The following SIPA1L1 variants were observed in gnomAD, a reference collection of about 807,000 sequenced individuals.
The protein encoded by SIPA1L1 is signal-induced proliferation-associated 1-like protein 1.
Under a neutral mutation model 162.7 loss-of-function variants are expected in SIPA1L1, and 26 were observed. That is an observed-to-expected ratio of 0.16 (90% CI 0.12 to 0.22). The LOEUF (loss-of-function observed/expected upper bound fraction) is 0.22. SIPA1L1 is among the 10% of genes least tolerant of loss of function. The pLI, the probability that SIPA1L1 is intolerant of heterozygous loss-of-function variation, is 1.00. For missense variants in SIPA1L1, 1,874 were observed against 2,241.0 expected (o/e 0.84, Z 3.31); for synonymous variants, 829 against 837.4 (o/e 0.99, Z 0.17).
intron 7 of SIPA1L1, among the ~76,000 whole-genome samples, chr14:71,635,010 G>A (rs186294199): frequency 6.6e-6 from 1 of 152,114 alleles, no homozygotes; most frequent in East Asian, 1.9e-4. Context: ...GGGCACGGTG[G>A]CTCACACCTG....
At chr14:71,670,854 T>C (rs1387270014) in intron 10 of SIPA1L1, among the ~76,000 whole-genome samples, 2 of 151,370 alleles carry the variant, frequency 1.3e-5, no homozygotes, top group Non-Finnish European at 2.9e-5. Flanking sequence ...TCCTGTCTGG[T>C]AAAAAAAAAG....
chr14:71,565,322 T>G (rs2030214248), intron 4 of SIPA1L1, among the ~76,000 whole-genome samples: 1 of 152,216 alleles, frequency 6.6e-6, no homozygotes, highest in South Asian at 2.1e-4. Context: ...TCTGGAGACC[T>G]TGTCTTACAG....
rs974372424 is a variant in SIPA1L1, at chr14:71,632,968, C to T, written c.1818+8732C>T. On this transcript the variant is annotated intron_variant, in intron 7 of 23. Transcript: ENST00000381232. The stretch of plus-strand genomic sequence containing the variant: ...ATTGAATTTAAAATCACTGCTTATA[C>T]CAACAATTGGGAAAATCTCAACTTA... 2.6e-5 allele frequency among the ~76,000 whole-genome samples: 4 copies of T among 152,088 alleles called. No homozygotes were observed. In the East Asian group the frequency reaches 7.7e-4, roughly 29 times the overall value.
intron 12 of SIPA1L1, among the ~76,000 whole-genome samples, chr14:71,681,410 A>C (rs114640600): frequency 0.02 from 3,117 of 152,332 alleles, 109 homozygotes; most frequent in African/African-American, 0.071. Context: ...GTTGAGGGCC[A>C]CTAGCCTATA....
chr14:71,552,597 C>G (rs867884587), intron 4 of SIPA1L1, among the ~76,000 whole-genome samples: 1 of 152,030 alleles, frequency 6.6e-6, no homozygotes, highest in East Asian at 1.9e-4. Context: ...GGGGTTTCAC[C>G]GTGTTAGCCA....
chr14:71,471,229 G>T (rs931632105), intron 2 of SIPA1L1, among the ~76,000 whole-genome samples: 7 of 152,286 alleles, frequency 4.6e-5, no homozygotes, highest in South Asian at 2.1e-4. Flanking sequence ...CCAGGACTTT[G>T]GGAGGCTGAG....
At chr14:71,334,810 A>G (rs2034918462) in intron 2 of SIPA1L1, among the ~76,000 whole-genome samples, 1 of 152,286 alleles carries the variant, frequency 6.6e-6, no homozygotes, top group East Asian at 1.9e-4. Context: ...CAGGTGAAAT[A>G]CATTAAGTAT....
intron 7 of SIPA1L1, among the ~76,000 whole-genome samples, chr14:71,647,529 G>A (rs1241336523): frequency 1.3e-5 from 2 of 152,086 alleles, no homozygotes; most frequent in African/African-American, 4.8e-5. Context: ...TAGTCAGGGT[G>A]AGTTTTGTTT....
chr14:71,562,370 T>A (rs2056865731), intron 4 of SIPA1L1, among the ~76,000 whole-genome samples: 1 of 152,154 alleles, frequency 6.6e-6, no homozygotes, highest in Non-Finnish European at 1.5e-5. Flanking sequence ...AGAAACTTCA[T>A]GTAGAATTTT....
intron 4 of SIPA1L1, among the ~76,000 whole-genome samples, chr14:71,571,990 A>T (rs1181730223): frequency 6.6e-6 from 1 of 152,056 alleles, no homozygotes; most frequent in African/African-American, 2.4e-5. Context: ...TTTCACACAG[A>T]TGGAGGCTGA....
At chr14:71,602,514 A>C (rs2148045835) in intron 5 of SIPA1L1, among the ~76,000 whole-genome samples, 1 of 152,338 alleles carries the variant, frequency 6.6e-6, no homozygotes, top group Non-Finnish European at 1.5e-5. Flanking sequence ...TGTGCTGATG[A>C]AAAGAATGTG....
chr14:71,733,754 T>C lies in SIPA1L1; in HGVS notation c.4950T>C (p.Pro1650=), dbSNP rs2085025947. The part of the protein sequence containing the change: ...PMPDPGLMPL[P]DTAADLDWSN... ...CCGACCCTGGCCTGATGCCCCTGCC[T>C]GACACTGCTGCAGACTTGGATTGGT... is the stretch of plus-strand genomic sequence containing the variant. Residue 1650 remains proline, a synonymous_variant, in exon 21 of 24, where the codon CCT becomes CCC. Transcript: ENST00000381232. The C allele has an allele frequency of 1.9e-6, 3 of 1,613,652 alleles. No individual in the cohort carries two copies. The highest frequency in any genetic ancestry group is 2.2e-5 in the East Asian group (1 of 44,880).
chr14:71,537,261 C>T (rs369228286), intron 4 of SIPA1L1, among the ~76,000 whole-genome samples: 3 of 152,112 alleles, frequency 2.0e-5, no homozygotes, highest in East Asian at 3.8e-4. Flanking sequence ...AGTGCAGTGG[C>T]GCGATCTTGG....
intron 7 of SIPA1L1, among the ~76,000 whole-genome samples, chr14:71,629,148 A>G (rs1346913203): frequency 2.0e-5 from 3 of 152,116 alleles, no homozygotes; most frequent in African/African-American, 7.2e-5. Flanking sequence ...CGTGTTAGCC[A>G]GGATAATCTC....
intron 5 of SIPA1L1, among the ~76,000 whole-genome samples, chr14:71,599,098 G>A (rs1209474602): frequency 1.3e-5 from 2 of 148,940 alleles, no homozygotes; most frequent in Admixed American, 1.3e-4. Context: ...TTAACATAAT[G>A]ATCTGCAGTT....
chr14:71,721,213 C>T (rs1487728653), intron 17 of SIPA1L1, among the ~76,000 whole-genome samples: 2 of 152,228 alleles, frequency 1.3e-5, no homozygotes, highest in Non-Finnish European at 2.9e-5. Context: ...CCAAGAAGCA[C>T]TGCTTTGATG....
At chr14:71,613,349 A>G (rs1715543384) in intron 5 of SIPA1L1, among the ~76,000 whole-genome samples, 2 of 151,888 alleles carry the variant, frequency 1.3e-5, no homozygotes, top group African/African-American at 4.8e-5. Context: ...TGCCACATGT[A>G]TAAAAAAGAA....
chr14:71,446,910 T>TG (rs1350119948), intron 2 of SIPA1L1, among the ~76,000 whole-genome samples: 5 of 119,852 alleles, frequency 4.2e-5, no homozygotes, highest in African/African-American at 1.2e-4. Context: ...TTTTTTGTTT[T>TG]TTTTTTTTTT....
At chr14:71,541,792 A>G (rs1038513847) in intron 4 of SIPA1L1, among the ~76,000 whole-genome samples, 2 of 152,130 alleles carry the variant, frequency 1.3e-5, no homozygotes, top group African/African-American at 4.8e-5. Flanking sequence ...CAACAGAAAC[A>G]TTAAGGTATG....
Sources: gnomAD v4.1 joint callset for allele counts (sites outside exome capture counted in the v4.1 genomes callset) on GRCh38, gnomAD v4.1.1 for gene constraint, MANE v1.5 for transcripts, NCBI Gene and HGNC (gene_info 2026-07-23, HGNC 2026-07-21) for gene names.